Variants in JAK1 observed in about 807,000 individuals in gnomAD.
JAK1 encodes the protein tyrosine-protein kinase JAK1.
In JAK1, 16 loss-of-function variants were observed where a neutral mutation model predicts 136.6. The ratio of observed to expected loss-of-function variants is 0.12; its 90% CI spans 0.08 to 0.18. The LOEUF is 0.18. JAK1 is among the 10% of genes least tolerant of loss of function. JAK1 has a pLI of 1.00. For missense variants in JAK1, 859 were observed against 1,450.1 expected (o/e 0.59, Z 6.62); for synonymous variants, 492 against 519.5 (o/e 0.95, Z 0.72).
chr1:64,915,617 C>G (rs115631941), intron 1 of JAK1, among the ~76,000 whole-genome samples: 1 of 152,174 alleles, frequency 6.6e-6, no homozygotes, highest in Non-Finnish European at 1.5e-5. Context: ...GTGTCCAGTA[C>G]GGCAGCCAGT....
chr1:65,014,349 G>C (rs902752278), intron 2 of JAK1, among the ~76,000 whole-genome samples: 3 of 151,090 alleles, frequency 2.0e-5, no homozygotes, highest in African/African-American at 7.3e-5. Flanking sequence ...AGGAGAGAAG[G>C]AGAAGAAGAA....
intron 1 of JAK1, among the ~76,000 whole-genome samples, chr1:64,913,154 C>T (rs577254295): frequency 7.9e-5 from 12 of 152,224 alleles, no homozygotes; most frequent in Admixed American, 1.3e-4. Flanking sequence ...CCAGAATAGC[C>T]GAGACTACAG....
chr1:64,943,836 TAAAA>T (rs35735954), intron 1 of JAK1, among the ~76,000 whole-genome samples: 1 of 146,074 alleles, frequency 6.8e-6, no homozygotes, highest in Non-Finnish European at 1.5e-5. Context: ...CTTTAATAAA[TAAAA>T]AAAAAAAAGA....
chr1:64,948,335 G>C (rs1646023918), intron 1 of JAK1, among the ~76,000 whole-genome samples: 1 of 152,208 alleles, frequency 6.6e-6, no homozygotes, highest in Non-Finnish European at 1.5e-5. Context: ...TGCAAGCAAA[G>C]AGTGTATCTA....
At chr1:65,003,013 C>CTTTT (rs11410336) in intron 2 of JAK1, among the ~76,000 whole-genome samples, 1 of 119,892 alleles carries the variant, frequency 8.3e-6, no homozygotes, top group Non-Finnish European at 1.7e-5. Flanking sequence ...GACAACCTAG[C>CTTTT]TTTTTTTTTT....
intron 2 of JAK1, among the ~76,000 whole-genome samples, chr1:65,028,078 C>A (rs919951441): frequency 6.6e-6 from 1 of 152,098 alleles, no homozygotes; most frequent in Non-Finnish European, 1.5e-5. Context: ...TTGGGTGAAC[C>A]CTCAGTAAGT....
chr1:64,963,343 A>G (rs1473205201), intron 1 of JAK1, among the ~76,000 whole-genome samples: 1 of 152,064 alleles, frequency 6.6e-6, no homozygotes, highest in Non-Finnish European at 1.5e-5. Context: ...ACTTTCCTAT[A>G]TTTTCTAATT....
chr1:64,960,485 A>G (rs915925025), intron 1 of JAK1, among the ~76,000 whole-genome samples: 6 of 152,146 alleles, frequency 3.9e-5, no homozygotes, highest in Non-Finnish European at 8.8e-5. Flanking sequence ...AAGACAATCA[A>G]TCAGTCTGTT....
intron 2 of JAK1, among the ~76,000 whole-genome samples, chr1:64,884,066 C>T (rs551898885): frequency 4.6e-5 from 7 of 152,200 alleles, no homozygotes; most frequent in African/African-American, 1.7e-4. Flanking sequence ...ATGGAAGGGC[C>T]ATAACAATTA....
At chr1:64,936,666 T>A (rs1645794210) in intron 1 of JAK1, among the ~76,000 whole-genome samples, 1 of 152,196 alleles carries the variant, frequency 6.6e-6, no homozygotes, top group South Asian at 2.1e-4. Flanking sequence ...CACCACTTAC[T>A]AGCTCTGTGA....
At chr1:64,986,056 C>T (rs1258550406) in intron 2 of JAK1, 14 of 1,267,924 alleles carry the variant, frequency 1.1e-5, no homozygotes, top group East Asian at 5.4e-5. Context: ...ATTGTGATGG[C>T]GAAGATCAGA....
chr1:64,999,286 T>C (rs1162417154), intron 2 of JAK1, among the ~76,000 whole-genome samples: 18 of 152,176 alleles, frequency 1.2e-4, no homozygotes, highest in Admixed American at 1.2e-3. Context: ...CTACTCTCAG[T>C]GCAAGCACAT....
intron 22 of JAK1, 49 bp from the exon 23 acceptor site, chr1:64,836,264 C>G: frequency 9.8e-7 from 1 of 1,023,348 alleles, no homozygotes; most frequent in Non-Finnish European, 1.5e-6. Context: ...AGGCACACTC[C>G]ATCCGACATT....
chr1:64,975,411 T>C lies in JAK1; in HGVS notation c.-78+69069A>G, dbSNP rs745974643. ...AGCAGGAGATCTGAGCAGTGCACTT[T>C]CATGGTGGCCACATTTCACACACTG... On this transcript the variant is annotated intron_variant, in intron 2 of 25. Coordinates refer to the JAK1 transcript ENST00000671954. Among the ~76,000 whole-genome samples the C allele has an allele frequency of 5.0e-4, 76 of 152,324 alleles. 1 individual carries two copies. Among genetic ancestry groups the C allele is most frequent in the Non-Finnish European group, 9.8e-4 (67 of 68,024 alleles).
At chr1:64,866,774 G>T in intron 7 of JAK1, 92 bp downstream of exon 7, 1 of 890,228 alleles carries the variant, frequency 1.1e-6, no homozygotes. Context: ...TGGGAGTGAT[G>T]GACATGCAGA....
chr1:64,936,060 G>A (rs1189362204), intron 1 of JAK1, among the ~76,000 whole-genome samples: 1 of 152,194 alleles, frequency 6.6e-6, no homozygotes, highest in Non-Finnish European at 1.5e-5. Flanking sequence ...TTACTCCAGT[G>A]TCAATATGGG....
intron 1 of JAK1, among the ~76,000 whole-genome samples, chr1:64,903,559 A>T (rs762358563): frequency 6.6e-6 from 1 of 152,212 alleles, no homozygotes; most frequent in Non-Finnish European, 1.5e-5. Flanking sequence ...TAAGTGCACA[A>T]GGTTTAGAAT....
rs1005496276 is a variant in JAK1, at chr1:64,845,168, G to A, written c.2116-279C>T. ...TGAAACGCCTGAACAGCTGACCCAT[G>A]GTGAGCACTCCACACGTCAGCTACT... On this transcript the variant is annotated intron_variant, in intron 15 of 24. Transcript: ENST00000342505. 5.9e-5 allele frequency among the ~76,000 whole-genome samples: 9 copies of A among 152,278 alleles called. No individual in the cohort carries two copies. In the East Asian group the frequency reaches 1.4e-3, roughly 23 times the overall value.
chr1:65,063,237 C>T (rs1172193589), intron 1 of JAK1, among the ~76,000 whole-genome samples: 1 of 152,192 alleles, frequency 6.6e-6, no homozygotes, highest in Non-Finnish European at 1.5e-5. Flanking sequence ...CCAGGTGTCA[C>T]AATTGTTACT....
Sources: gnomAD v4.1 joint callset for allele counts (sites outside exome capture counted in the v4.1 genomes callset) on GRCh38, gnomAD v4.1.1 for gene constraint, MANE v1.5 for transcripts, NCBI Gene and HGNC (gene_info 2026-07-23, HGNC 2026-07-21) for gene names.